Variants in FCRL3 observed in about 807,000 individuals in gnomAD.
FCRL3 encodes Fc receptor-like protein 3.
Under a neutral mutation model 75.0 loss-of-function variants are expected in FCRL3, and 89 were observed. The ratio of observed to expected loss-of-function variants is 1.19; its 90% CI spans 1.00 to 1.42. The LOEUF (loss-of-function observed/expected upper bound fraction) is 1.42. Ranked by LOEUF, FCRL3 falls within the 40% of genes most tolerant of loss-of-function variation. FCRL3 has a pLI of 0.00. For missense variants in FCRL3, 946 were observed against 880.0 expected (o/e 1.07, Z -0.95); for synonymous variants, 376 against 348.5 (o/e 1.08, Z -0.88).
At position 157,697,177 on chromosome 1, in the gene FCRL3, G is replaced by A. The variant is rs774696736; in HGVS notation, c.807C>T (p.Ile269=). Residue 269 remains isoleucine (I), a synonymous_variant, in exon 6 of 15, where the codon ATC becomes ATT. Transcript: ENST00000368184. ...TCTGAGATCTCAGGCTCCTTTTTTT[G>A]ATGCTGTGAGTCACTGTCTCCACCT... The part of the protein sequence containing the change: ...WCEVETVTHS[I]KKRSLRSQIR... 79 of 1,512,110 alleles carry A rather than the reference G, an allele frequency of 5.2e-5. No individual in the cohort carries two copies. The highest frequency in any genetic ancestry group is 1.9e-5 in the Non-Finnish European group (21 of 1,128,858). The allele number at this position is 1,512,110 out of a possible 1,614,324, so 93.7% of individuals were successfully genotyped here.
At chr1:157,698,099 A>T in intron 4 of FCRL3, 180 bp from the exon 5 acceptor site, 1 of 767,812 alleles carries the variant, frequency 1.3e-6, no homozygotes, top group East Asian at 2.7e-5. Flanking sequence ...ACCAATTCCC[A>T]GAAAATGTTC....
intron 11 of FCRL3, among the ~76,000 whole-genome samples, chr1:157,682,658 A>T (rs1654923306): frequency 6.6e-6 from 1 of 152,236 alleles, no homozygotes; most frequent in African/African-American, 2.4e-5. Flanking sequence ...TAAATGATTA[A>T]ACACTGATAC....
At position 157,696,250 on chromosome 1, in the gene FCRL3, T is replaced by C. The variant is rs1280007605; in HGVS notation, c.922A>G (p.Ile308Val). ...QLIEGENMVL[I>V]CSVAQGSGTV... ...CCTGAACCCTGGGCTACTGAGCAAA[T>C]AAGGACCATATTTTCTCCTTCAATC... The change falls in exon 7 of 15, where the codon ATT (isoleucine) becomes GTT (valine). Residue 308 changes from isoleucine to valine, a missense_variant. Physicochemically the swap from Ile to Val is conservative, Grantham distance 29. Transcript: ENST00000368184. 11 of 1,613,802 alleles carry C rather than the reference T, an allele frequency of 6.8e-6. No individual in the cohort carries two copies. Among genetic ancestry groups the C allele is most frequent in the African/African-American group, 1.3e-5 (1 of 74,836 alleles).
chr1:157,676,979 ACAG>A lies in FCRL3; in HGVS notation c.*1728_*1730del. ...AACAGCAGAATGTATCACATAGAAGACAGAGACATTTGCCTCCTCCCTCTTCAA... is the reference window on the plus strand; with the variant it reads ...AACAGCAGAATGTATCACATAGAAGAAGACATTTGCCTCCTCCCTCTTCAA... On this transcript the variant is annotated 3_prime_UTR_variant, in exon 15 of 15. Transcript: ENST00000368184. 7.3e-7 allele frequency: 1 copy of A among 1,360,652 alleles called. No individual in the cohort carries two copies. Among genetic ancestry groups the A allele is most frequent in the Non-Finnish European group, 9.5e-7 (1 of 1,053,228 alleles). 84.3% of individuals were successfully genotyped at this position (1,360,652 alleles called of 1,614,324 possible).
In FCRL3 at chr1:157,677,358, A is replaced by T; in HGVS notation, c.*1352T>A. The T allele has an allele frequency of 1.0e-6, 1 of 986,078 alleles. No homozygotes were observed. Among genetic ancestry groups the T allele is most frequent in the Non-Finnish European group, 1.2e-6 (1 of 830,382 alleles). The allele number at this position is 986,078 out of a possible 1,614,324, so 61.1% of individuals were successfully genotyped here. ...GACTCCAAGAAATATTGATTAGAGG[A>T]AGATGTGGTGCTTTGAAAGGGACTT... On this transcript the variant is annotated 3_prime_UTR_variant, in exon 15 of 15. Transcript: ENST00000368184.
chr1:157,700,389 G>A (rs752194005), intron 2 of FCRL3, 70 bp downstream of exon 2: 2 of 1,609,028 alleles, frequency 1.2e-6, no homozygotes, highest in Non-Finnish European at 1.7e-6. Context: ...AGAGATAGAA[G>A]CTCCTTGAGT....
chr1:157,687,177 A>G (rs1260193539), intron 10 of FCRL3, among the ~76,000 whole-genome samples: 2 of 151,696 alleles, frequency 1.3e-5, no homozygotes, highest in Non-Finnish European at 2.9e-5. Flanking sequence ...GCCAACAAAC[A>G]TAAAAAAATG....
upstream of FCRL3, chr1:157,700,931 TCA>T (rs1656278811): frequency 5.1e-6 from 1 of 195,576 alleles, no homozygotes; most frequent in Admixed American, 5.4e-5. Flanking sequence ...GTGGTGTGAA[TCA>T]CACAGTCAAG....
At position 157,697,685 on chromosome 1, in the gene FCRL3, G is replaced by T. The variant is rs774979089; in HGVS notation, c.533C>A (p.Ser178Ter). ...KFYILDIEVT[S>*]KPLNIQVQEL... ...TTGAACTTGGATATTTAGGGGTTTT[G>T]AAGTTACTTCAATGTCAAGTATGTA... Residue 178 changes from serine (S) to a stop codon, truncating the protein, a stop_gained, in exon 5 of 15, where the codon TCA becomes TAA. Transcript: ENST00000368184. LOFTEE classifies it high-confidence loss of function. 5 of 1,613,838 alleles carry T rather than the reference G, an allele frequency of 3.1e-6. No homozygotes were observed. The South Asian group carries it at 5.5e-5, about 18-fold the overall frequency.
At chr1:157,691,417 T>G (rs994755167) in intron 8 of FCRL3, among the ~76,000 whole-genome samples, 1 of 152,230 alleles carries the variant, frequency 6.6e-6, no homozygotes, top group Admixed American at 6.5e-5. Flanking sequence ...ATAAGGATCT[T>G]AAGCTCTGCT....
intron 8 of FCRL3, among the ~76,000 whole-genome samples, chr1:157,693,943 T>C (rs1337157144): frequency 6.6e-6 from 1 of 151,900 alleles, no homozygotes; most frequent in African/African-American, 2.4e-5. Context: ...GAGACAGGGG[T>C]TTCTCCATAT....
At chr1:157,681,707 A>G (rs1162658943) in intron 11 of FCRL3, among the ~76,000 whole-genome samples, 2 of 152,082 alleles carry the variant, frequency 1.3e-5, no homozygotes, top group African/African-American at 4.8e-5. Context: ...AAACATATGT[A>G]TGCATGTGTC....
chr1:157,677,344 A>C lies in FCRL3; in HGVS notation c.*1366T>G, dbSNP rs959182323. The C allele has an allele frequency of 5.1e-6, 5 of 986,148 alleles. No individual in the cohort carries two copies. In the African/African-American group the frequency reaches 7.0e-5, roughly 14 times the overall value. The allele number at this position is 986,148 out of a possible 1,614,324, so 61.1% of individuals were successfully genotyped here. A position where few individuals can be genotyped will look rare whatever the true frequency, so the allele number is the denominator to read the frequency against. On this transcript the variant is annotated 3_prime_UTR_variant, in exon 15 of 15. Coordinates refer to ENST00000368184, the MANE Select transcript of FCRL3 (RefSeq NM_052939.4). Reference sequence around the variant, plus strand: ...AGACATTCCCTAGGGACTCCAAGAAATATTGATTAGAGGAAGATGTGGTGC... The same window carrying C: ...AGACATTCCCTAGGGACTCCAAGAACTATTGATTAGAGGAAGATGTGGTGC...
intron 10 of FCRL3, among the ~76,000 whole-genome samples, chr1:157,688,732 A>G (rs1396047486): frequency 6.6e-6 from 1 of 152,176 alleles, no homozygotes; most frequent in Non-Finnish European, 1.5e-5. Flanking sequence ...CTTTGAGACC[A>G]AATCATAAAA....
chr1:157,677,105 T>A lies in FCRL3; in HGVS notation c.*1605A>T. 1 of 1,099,236 alleles carries A rather than the reference T, an allele frequency of 9.1e-7. No individual in the cohort carries two copies. The highest frequency in any genetic ancestry group is 1.1e-6 in the Non-Finnish European group (1 of 894,112). The allele number at this position is 1,099,236 out of a possible 1,614,324, so 68.1% of individuals were successfully genotyped here. On this transcript the variant is annotated 3_prime_UTR_variant, in exon 15 of 15. Transcript: ENST00000368184. ...CATGCCCTGCACTCAAAGGCCAGGA[T>A]AAGGGTAACAGAGGCCAGTGGGAGC... is the stretch of plus-strand genomic sequence containing the variant.
At position 157,696,206 on chromosome 1, in the gene FCRL3, C is replaced by A. The variant is rs1252540537; in HGVS notation, c.966G>T (p.Trp322Cys). 1.9e-6 allele frequency: 3 copies of A among 1,613,992 alleles called. No individual in the cohort carries two copies. The highest frequency in any genetic ancestry group is 1.7e-5 in the Admixed American group (1 of 59,994). Residue 322 changes from tryptophan to cysteine, a missense_variant, in exon 7 of 15, where the codon TGG becomes TGT. Physicochemically the swap from Trp to Cys is radical, Grantham distance 215. Coordinates refer to ENST00000368184, the MANE Select transcript of FCRL3 (RefSeq NM_052939.4). ...AQGSGTVTFS[W>C]HKEGRVRSLG... ...GGCTTCTTACTCTTCCTTCTTTGTG[C>A]CAGGAGAATGTGACAGTCCCTGAAC...
Position 157,677,989 on chromosome 1 carries a change from T to C in FCRL3, c.*721A>G. On this transcript the variant is annotated 3_prime_UTR_variant, in exon 15 of 15. Transcript: ENST00000368184. ...ATAAAACTGACTGACTAGAAATCTA[T>C]CATGTATGGCAAATGATGAGACTAT... 2.0e-6 allele frequency: 2 copies of C among 985,336 alleles called. No homozygotes were observed. The highest frequency in any genetic ancestry group is 2.4e-6 in the Non-Finnish European group (2 of 829,914). The allele number at this position is 985,336 out of a possible 1,614,324, so 61.0% of individuals were successfully genotyped here. A position where few individuals can be genotyped will look rare whatever the true frequency, so the allele number is the denominator to read the frequency against.
chr1:157,697,470 G>A (rs766865842), intron 5 of FCRL3, 46 bp from the exon 6 acceptor site: 1 of 1,520,258 alleles, frequency 6.6e-7, no homozygotes. Flanking sequence ...GAGGCTCAGA[G>A]TTCCTAGAGA....
intron 6 of FCRL3, 21 bp downstream of exon 6, chr1:157,697,119 A>T: frequency 7.1e-7 from 1 of 1,413,300 alleles, no homozygotes; most frequent in Non-Finnish European, 9.3e-7. Context: ...ACTCTGGAAG[A>T]GCAGCCCCTT....
Sources: gnomAD v4.1 joint callset for allele counts (sites outside exome capture counted in the v4.1 genomes callset) on GRCh38, gnomAD v4.1.1 for gene constraint, MANE v1.5 for transcripts, NCBI Gene and HGNC (gene_info 2026-07-23, HGNC 2026-07-21) for gene names.